USP32: variants seen among roughly 807,000 people sequenced by gnomAD.
USP32 encodes the protein ubiquitin carboxyl-terminal hydrolase 32.
Under a neutral mutation model 204.8 loss-of-function variants are expected in USP32, and 59 were observed. The observed-to-expected ratio is 0.29, with a 90% confidence interval of 0.23 to 0.36. The LOEUF is 0.36. Among genes scored for constraint, USP32 ranks in the 10% least tolerant of loss-of-function variants. The probability of loss-of-function intolerance (pLI) is 1.00; values close to 1 mark genes in which losing one functional copy is unlikely to be tolerated. For synonymous variants in USP32, 517 were observed against 678.4 expected, an observed-to-expected ratio of 0.76 and a Z score of 3.70; for missense variants, 1,160 against 1,946.4, an observed-to-expected ratio of 0.60 and a Z score of 7.60.
chr17:60,289,688 A>C (rs1025375148), intron 4 of USP32, among the ~76,000 whole-genome samples: 1 of 152,194 alleles, frequency 6.6e-6, no homozygotes, highest in Admixed American at 6.5e-5. Context: ...TCCTAGGTTT[A>C]GTGGGAGCCA....
At chr17:60,192,992 T>C in intron 27 of USP32, 62 bp from the exon 28 acceptor site, 1 of 1,562,818 alleles carries the variant, frequency 6.4e-7, no homozygotes, top group Non-Finnish European at 8.8e-7. Context: ...CCAACTCCTC[T>C]TCATCTTCTC....
intron 2 of USP32, among the ~76,000 whole-genome samples, chr17:60,332,380 G>A (rs1179104229): frequency 6.6e-6 from 1 of 152,242 alleles, no homozygotes; most frequent in East Asian, 1.9e-4. Context: ...GGACGCGGTG[G>A]CTCAAGCCTG....
At position 60,418,008 on chromosome 17, in the gene USP32, G is replaced by A. The variant is rs575143573; in HGVS notation, c.106+4238C>T. Among the ~76,000 whole-genome samples, 26 of 148,062 alleles carry A rather than the reference G, an allele frequency of 1.8e-4. No individual in the cohort carries two copies. The South Asian group carries it at 4.7e-3, about 27-fold the overall frequency. Reference sequence around the variant, plus strand: ...AGTTTCACTCTTGTTACCCAGGCTGGAGTGCAATGGCACGATCTCGGCTCA... The same window carrying A: ...AGTTTCACTCTTGTTACCCAGGCTGAAGTGCAATGGCACGATCTCGGCTCA... On this transcript the variant is annotated intron_variant, in intron 1 of 3. Coordinates refer to the USP32 transcript ENST00000588898.
intron 4 of USP32, among the ~76,000 whole-genome samples, chr17:60,294,402 G>GTC (rs1217217749): frequency 6.6e-6 from 1 of 152,046 alleles, no homozygotes; most frequent in African/African-American, 2.4e-5. Context: ...GTGTGTGTGT[G>GTC]TGTGTGTATT....
chr17:60,188,534 G>C (rs1284947215), intron 29 of USP32, among the ~76,000 whole-genome samples: 1 of 151,974 alleles, frequency 6.6e-6, no homozygotes, highest in African/African-American at 2.4e-5. Context: ...ATAAATGTTA[G>C]CAAAAACTCC....
Position 60,241,158 on chromosome 17 carries a change from C to T in USP32, c.1137-4918G>A, listed in dbSNP as rs139685416. On this transcript the variant is annotated intron_variant, in intron 11 of 33. Transcript: ENST00000300896. The stretch of plus-strand genomic sequence containing the variant: ...AACTACAGGTGTGCGCCACCATGGC[C>T]GGCTAATTTTTTGTATTTTTAGTAC... Among the ~76,000 whole-genome samples the T allele has an allele frequency of 6.6e-4, 101 of 152,214 alleles. 1 individual carries two copies. Among genetic ancestry groups the T allele is most frequent in the Middle Eastern group, 3.4e-3 (1 of 294 alleles).
intron 12 of USP32, among the ~76,000 whole-genome samples, chr17:60,227,848 A>T (rs199691539): frequency 5.3e-5 from 8 of 152,264 alleles, no homozygotes; most frequent in Middle Eastern, 3.4e-3. Context: ...TAGCCAAAAA[A>T]TTTTTTTAAA....
At chr17:60,412,476 A>G (rs1430143620) in intron 1 of USP32, among the ~76,000 whole-genome samples, 1 of 151,662 alleles carries the variant, frequency 6.6e-6, no homozygotes, top group African/African-American at 2.4e-5. Flanking sequence ...TCAAGGCTTC[A>G]GTGAGCTATG....
At chr17:60,385,865 A>T (rs74334797) in intron 1 of USP32, among the ~76,000 whole-genome samples, 21,228 of 151,610 alleles carry the variant, frequency 0.14, 3,202 homozygotes, top group African/African-American at 0.37. Flanking sequence ...AAAGATAATT[A>T]AAAAAAATTA....
At chr17:60,196,963 T>C (rs113079719) in intron 27 of USP32, among the ~76,000 whole-genome samples, 3,207 of 151,636 alleles carry the variant, frequency 0.021, 134 homozygotes, top group African/African-American at 0.073. Flanking sequence ...GGTGGATTAC[T>C]TGAGGCCAGG....
chr17:60,193,003 T>C lies in USP32; in HGVS notation c.3435-73A>G. The C allele has an allele frequency of 2.0e-6, 3 of 1,518,488 alleles. No individual in the cohort carries two copies. The South Asian group carries it at 3.4e-5, about 17-fold the overall frequency. 94.1% of individuals were successfully genotyped at this position (1,518,488 alleles called of 1,614,324 possible). On this transcript the variant is annotated intron_variant, in intron 27 of 33. Transcript: ENST00000300896. Reference sequence around the variant, plus strand: ...AGGTCCAACTCCTCTTCATCTTCTCTTGAAGTAACCCTAGGAAGGGGCATT... The same window carrying C: ...AGGTCCAACTCCTCTTCATCTTCTCCTGAAGTAACCCTAGGAAGGGGCATT...
chr17:60,325,741 A>G (rs2088217380), intron 2 of USP32, among the ~76,000 whole-genome samples: 1 of 152,074 alleles, frequency 6.6e-6, no homozygotes, highest in African/African-American at 2.4e-5. Context: ...AGCCTGGGCA[A>G]CACAGCAAAA....
chr17:60,388,112 AG>A, intron 1 of USP32, among the ~76,000 whole-genome samples: 1 of 152,260 alleles, frequency 6.6e-6, no homozygotes, highest in East Asian at 1.9e-4. Flanking sequence ...AATGAGCAAA[AG>A]GACATTTTAA....
At chr17:60,198,589 A>G in intron 26 of USP32, 145 bp from the exon 27 acceptor site, 1 of 1,076,612 alleles carries the variant, frequency 9.3e-7, no homozygotes, top group Non-Finnish European at 1.3e-6. Flanking sequence ...TTATAAAACC[A>G]TCTTTATTGA....
At chr17:60,277,492 A>C (rs960442126) in intron 5 of USP32, among the ~76,000 whole-genome samples, 1 of 152,242 alleles carries the variant, frequency 6.6e-6, no homozygotes, top group East Asian at 1.9e-4. Flanking sequence ...TTTACTAGGC[A>C]GTTCATGGTC....
At position 60,301,647 on chromosome 17, in the gene USP32, C is replaced by T; in HGVS notation, c.244G>A (p.Val82Ile). Residue 82 changes from valine to isoleucine, a missense_variant, in exon 3 of 34, where the codon GTT becomes ATT. Physicochemically the swap from Val to Ile is conservative, Grantham distance 29. Coordinates refer to ENST00000300896, the MANE Select transcript of USP32 (RefSeq NM_032582.4). ...SKGLHFNNLI[V>I]GLVLLTRGKD... ...CCTCTTGTAAGGAGGACAAGTCCAA[C>T]TATTAAATTATTGAAGTGCAGCCCT... The T allele has an allele frequency of 6.3e-7, 1 of 1,597,192 alleles. No homozygotes were observed. The highest frequency in any genetic ancestry group is 2.3e-5 in the East Asian group (1 of 44,138).
chr17:60,181,658 C>T lies in USP32; in HGVS notation c.4214G>A (p.Ser1405Asn). ...CTGGGGCAGCCGGAGCCTCCCTTTG[C>T]TCCTCCCCAAAGTCCGTGGGCTGCT... The part of the protein sequence containing the change: ...PNSSPRTLGR[S>N]KGRLRLPQIG... Residue 1405 changes from serine (S) to asparagine (N), a missense_variant, in exon 32 of 34, where the codon AGC (serine) becomes AAC (asparagine). This residue lies in a region of USP32 where 244 missense variants were observed against 342.3 expected (regional missense o/e 0.71). Coordinates refer to ENST00000300896, the MANE Select transcript of USP32 (RefSeq NM_032582.4). The T allele has an allele frequency of 6.2e-7, 1 of 1,613,664 alleles. No homozygotes were observed. The highest frequency in any genetic ancestry group is 8.5e-7 in the Non-Finnish European group (1 of 1,179,848).
Position 60,206,308 on chromosome 17 carries a change from C to A in USP32, c.3038-650G>T, listed in dbSNP as rs546032690. ...CTCCAGGCTGGGTGACAGAGTGAGA[C>A]CATTTCTCAAAATAAATAAATTAAA... On this transcript the variant is annotated intron_variant, in intron 25 of 33. Coordinates refer to ENST00000300896, the MANE Select transcript of USP32 (RefSeq NM_032582.4). Among the ~76,000 whole-genome samples, 104 of 146,302 alleles carry A rather than the reference C, an allele frequency of 7.1e-4. 2 individuals carry two copies. The highest frequency in any genetic ancestry group is 2.8e-3 in the African/African-American group (102 of 36,058).
At chr17:60,374,812 G>C (rs533927537) in intron 1 of USP32, among the ~76,000 whole-genome samples, 11 of 152,324 alleles carry the variant, frequency 7.2e-5, no homozygotes, top group African/African-American at 2.6e-4. Context: ...GAATTTTTCA[G>C]CTCTACTATT....
Sources: allele counts gnomAD v4.1 joint callset (sites outside exome capture counted in the v4.1 genomes callset), GRCh38; gene constraint gnomAD v4.1.1; regional missense constraint gnomAD v4.1.1; transcripts MANE v1.5; gene names NCBI Gene and HGNC (gene_info 2026-07-23, HGNC 2026-07-21).